WWTR1: variants seen among roughly 807,000 people sequenced by gnomAD.
WWTR1 encodes the protein WW domain-containing transcription regulator protein 1.
Under a neutral mutation model 40.1 loss-of-function variants are expected in WWTR1, and 13 were observed. The observed-to-expected ratio is 0.32, with a 90% CI of 0.21 to 0.52. The LOEUF is 0.52. Ranked by LOEUF, WWTR1 falls within the 20% of genes least tolerant of loss-of-function variation. The pLI, the probability that WWTR1 is intolerant of heterozygous loss-of-function variation, is 0.97. For missense variants in WWTR1, 436 were observed against 523.1 expected (o/e 0.83, Z 1.63); for synonymous variants, 230 against 210.1 (o/e 1.09, Z -0.82).
intron 2 of WWTR1, among the ~76,000 whole-genome samples, chr3:149,644,863 A>C (rs149607937): frequency 4.6e-5 from 7 of 151,738 alleles, no homozygotes; most frequent in Non-Finnish European, 8.8e-5. Context: ...TTTTTTACTT[A>C]TTTTTTTGAG....
At chr3:149,577,946 G>A (rs1378105926) in intron 2 of WWTR1, among the ~76,000 whole-genome samples, 1 of 151,908 alleles carries the variant, frequency 6.6e-6, no homozygotes, top group African/African-American at 2.4e-5. Context: ...CCTTGATGAG[G>A]GCAATGGCCT....
At chr3:149,580,205 A>G (rs983252291) in intron 2 of WWTR1, among the ~76,000 whole-genome samples, 2 of 152,228 alleles carry the variant, frequency 1.3e-5, no homozygotes, top group Non-Finnish European at 2.9e-5. Context: ...AGGAAATGAC[A>G]TATATCTTAC....
intron 2 of WWTR1, among the ~76,000 whole-genome samples, chr3:149,589,846 T>A (rs1738614598): frequency 5.9e-5 from 9 of 152,156 alleles, no homozygotes; most frequent in Admixed American, 3.9e-4. Context: ...CTTCGACAAA[T>A]CATTTTGCTT....
chr3:149,705,541 G>A (rs539376497), upstream of WWTR1, among the ~76,000 whole-genome samples: 1 of 152,152 alleles, frequency 6.6e-6, no homozygotes, highest in Non-Finnish European at 1.5e-5. Context: ...TAACACTTAG[G>A]GGGAGAAACC....
chr3:149,647,724 G>A (rs1333542668), intron 2 of WWTR1, among the ~76,000 whole-genome samples: 1 of 152,176 alleles, frequency 6.6e-6, no homozygotes, highest in Non-Finnish European at 1.5e-5. Flanking sequence ...ATAATTTCCA[G>A]ACTCTTTTAA....
At chr3:149,675,741 G>A (rs1188235136) in intron 1 of WWTR1, among the ~76,000 whole-genome samples, 1 of 151,766 alleles carries the variant, frequency 6.6e-6, no homozygotes, top group African/African-American at 2.4e-5. Context: ...TTTTGAGATG[G>A]AGTCTTGCTC....
intron 2 of WWTR1, among the ~76,000 whole-genome samples, chr3:149,603,789 G>A (rs1230654533): frequency 6.8e-6 from 1 of 146,698 alleles, no homozygotes; most frequent in African/African-American, 2.5e-5. Flanking sequence ...TCCTAATAAT[G>A]AGGGGAATAT....
intron 2 of WWTR1, among the ~76,000 whole-genome samples, chr3:149,648,382 C>T (rs866504703): frequency 1.2e-4 from 18 of 152,126 alleles, no homozygotes; most frequent in African/African-American, 3.6e-4. Flanking sequence ...AGACAAACAT[C>T]GTTCTTCCCC....
chr3:149,550,919 G>GT lies in WWTR1; in HGVS notation c.569-8383dup, dbSNP rs112937949. 8.6e-4 allele frequency among the ~76,000 whole-genome samples: 119 copies of GT among 138,060 alleles called. 6 individuals are homozygous for GT. The highest frequency in any genetic ancestry group is 3.7e-3 in the Middle Eastern group (1 of 272). 90.6% of individuals were successfully genotyped at this position (138,060 alleles called of 152,430 possible). On this transcript the variant is annotated intron_variant, in intron 3 of 6. Coordinates refer to ENST00000360632, the MANE Select transcript of WWTR1 (RefSeq NM_015472.6). ...TATATTCCAAATTATCTATCTTTTA[G>GT]TTTTTTTTTTTCTTTAAAAAGCTTG...
intron 2 of WWTR1, among the ~76,000 whole-genome samples, chr3:149,619,862 A>G (rs1740187172): frequency 6.6e-6 from 1 of 152,060 alleles, no homozygotes; most frequent in Non-Finnish European, 1.5e-5. Context: ...GAAACTGGAG[A>G]TCATATTATA....
chr3:149,624,315 T>C (rs1265795170), intron 2 of WWTR1, among the ~76,000 whole-genome samples: 6 of 152,204 alleles, frequency 3.9e-5, no homozygotes, highest in African/African-American at 1.4e-4. Context: ...GAAGGCAATA[T>C]GGCCAAGAGG....
chr3:149,692,788 T>C (rs532359790), intron 1 of WWTR1, among the ~76,000 whole-genome samples: 3 of 152,136 alleles, frequency 2.0e-5, no homozygotes, highest in Non-Finnish European at 2.9e-5. Flanking sequence ...TGCCGGCCAC[T>C]GCACACAGCT....
intron 2 of WWTR1, among the ~76,000 whole-genome samples, chr3:149,642,095 A>C (rs1481116506): frequency 2.6e-5 from 4 of 152,212 alleles, no homozygotes; most frequent in Non-Finnish European, 4.4e-5. Flanking sequence ...GCTTTTCTAC[A>C]ATATAGCCTT....
chr3:149,628,158 C>G (rs187280894), intron 2 of WWTR1, among the ~76,000 whole-genome samples: 14 of 151,494 alleles, frequency 9.2e-5, no homozygotes. Flanking sequence ...ACCACTAGGT[C>G]AGGCAATCGA....
chr3:149,601,027 C>T (rs950229326), intron 2 of WWTR1, among the ~76,000 whole-genome samples: 12 of 152,162 alleles, frequency 7.9e-5, no homozygotes, highest in African/African-American at 2.9e-4. Context: ...GTCAAGCAAG[C>T]TCTGTTTAAA....
chr3:149,539,797 T>G (rs566800192), intron 4 of WWTR1, among the ~76,000 whole-genome samples: 1 of 151,820 alleles, frequency 6.6e-6, no homozygotes, highest in East Asian at 1.9e-4. Context: ...CCAAAAGAGT[T>G]CAAAAAATCC....
At chr3:149,667,285 G>A (rs997262441) in intron 2 of WWTR1, among the ~76,000 whole-genome samples, 43 of 151,076 alleles carry the variant, frequency 2.8e-4, no homozygotes, top group African/African-American at 9.5e-4. Flanking sequence ...AGTGGCTCAC[G>A]CCTGTAATCC....
At chr3:149,646,672 G>A (rs1370479026) in intron 2 of WWTR1, among the ~76,000 whole-genome samples, 4 of 152,178 alleles carry the variant, frequency 2.6e-5, no homozygotes, top group African/African-American at 9.7e-5. Context: ...AGGATAAGCA[G>A]ACTGATTGAC....
chr3:149,701,723 T>C (rs945511972), intron 1 of WWTR1: 4 of 175,282 alleles, frequency 2.3e-5, no homozygotes, highest in African/African-American at 9.5e-5. Flanking sequence ...TGCTTTCTTT[T>C]TTGTCTTTTT....
Sources: gnomAD v4.1 joint callset for allele counts (sites outside exome capture counted in the v4.1 genomes callset) on GRCh38, gnomAD v4.1.1 for gene constraint, MANE v1.5 for transcripts, NCBI Gene and HGNC (gene_info 2026-07-23, HGNC 2026-07-21) for gene names.